Variants in SHANK2 observed in about 807,000 individuals in gnomAD.
SHANK2 encodes the protein SH3 and multiple ankyrin repeat domains 2.
SHANK2 carries 43 observed loss-of-function variants against 133.7 expected under a neutral mutation model. The ratio of observed to expected loss-of-function variants is 0.32; its 90% CI spans 0.25 to 0.41. SHANK2 has a LOEUF of 0.41. SHANK2 is among the 10% of genes least tolerant of loss of function. The pLI is 1.00. For synonymous variants in SHANK2, 1,017 were observed against 952.8 expected (o/e 1.07, Z -1.24); for missense variants, 1,994 against 2,235.8 (o/e 0.89, Z 2.18).
chr11:70,620,458 G>T (rs181079949), intron 17 of SHANK2, among the ~76,000 whole-genome samples: 22 of 152,296 alleles, frequency 1.4e-4, no homozygotes, highest in Admixed American at 2.0e-4. Flanking sequence ...GAAACACACA[G>T]AGCTCCAATA....
chr11:71,163,249 CATT>C (rs1953064990), intron 2 of SHANK2, among the ~76,000 whole-genome samples: 1 of 147,464 alleles, frequency 6.8e-6, no homozygotes, highest in African/African-American at 2.7e-5. Flanking sequence ...GGTATAGAGT[CATT>C]ATTGTGTTTG....
chr11:70,539,287 C>A (rs868971461), intron 17 of SHANK2, among the ~76,000 whole-genome samples: 1 of 152,214 alleles, frequency 6.6e-6, no homozygotes, highest in Admixed American at 6.5e-5. Context: ...GGTGCCCAAA[C>A]GCAGCTGGCA....
intron 11 of SHANK2, among the ~76,000 whole-genome samples, chr11:70,892,573 A>G (rs1182808339): frequency 6.6e-6 from 1 of 152,168 alleles, no homozygotes; most frequent in Admixed American, 6.5e-5. Context: ...ACAGGTTCTC[A>G]AGGTAAGTAC....
intron 11 of SHANK2, chr11:70,862,922 C>T (rs1351760399): frequency 3.4e-5 from 9 of 262,008 alleles, no homozygotes; most frequent in East Asian, 1.9e-4. Context: ...CTGAAGTGCC[C>T]GTCTTGGGGC....
intron 14 of SHANK2, among the ~76,000 whole-genome samples, chr11:70,793,170 A>G (rs1384700389): frequency 1.3e-5 from 2 of 152,258 alleles, no homozygotes; most frequent in Non-Finnish European, 2.9e-5. Flanking sequence ...TGACCCTTGA[A>G]CAACATGGGT....
intron 14 of SHANK2, among the ~76,000 whole-genome samples, chr11:70,751,914 C>T (rs1946756362): frequency 6.6e-6 from 1 of 150,418 alleles, no homozygotes; most frequent in Non-Finnish European, 1.5e-5. Flanking sequence ...GGAAAAGTAA[C>T]AAGTCAAATA....
intron 2 of SHANK2, among the ~76,000 whole-genome samples, chr11:71,187,241 G>T (rs1302286601): frequency 6.6e-6 from 1 of 152,208 alleles, no homozygotes; most frequent in African/African-American, 2.4e-5. Flanking sequence ...AGGAAAATTT[G>T]CCAGGATGAT....
chr11:70,838,346 T>C (rs1948854806), intron 11 of SHANK2, among the ~76,000 whole-genome samples: 2 of 152,270 alleles, frequency 1.3e-5, no homozygotes. Context: ...TGGTTGCACA[T>C]TGCATTTTCC....
intron 2 of SHANK2, among the ~76,000 whole-genome samples, chr11:71,183,243 G>A (rs978547576): frequency 2.0e-5 from 3 of 152,190 alleles, no homozygotes; most frequent in African/African-American, 7.2e-5. Context: ...GTGATGGAGG[G>A]ACAAGGGGCA....
At chr11:70,546,180 C>A (rs1554976387) in intron 17 of SHANK2, among the ~76,000 whole-genome samples, 1 of 146,630 alleles carries the variant, frequency 6.8e-6, no homozygotes, top group Admixed American at 7.1e-5. Context: ...CTCAAGGAAT[C>A]CGCCCGCCTC....
chr11:70,919,274 G>A (rs1453665090), intron 10 of SHANK2, among the ~76,000 whole-genome samples: 1 of 152,114 alleles, frequency 6.6e-6, no homozygotes, highest in Non-Finnish European at 1.5e-5. Flanking sequence ...TTTTTGTGGT[G>A]AGAACACTCA....
Position 70,828,581 on chromosome 11 carries a change from G to A in SHANK2, c.1175-7899C>T, listed in dbSNP as rs560855446. Among the ~76,000 whole-genome samples, 7 of 152,358 alleles carry A rather than the reference G, an allele frequency of 4.6e-5. No individual in the cohort carries two copies. The East Asian group carries it at 5.8e-4, about 13-fold the overall frequency. On this transcript the variant is annotated intron_variant, in intron 11 of 25. Coordinates refer to ENST00000601538, the MANE Select transcript of SHANK2 (RefSeq NM_012309.5). ...GATGCACAAAGCTTTCCCCCACTTC[G>A]GGAGGCCTGACGATGTGTCCTCCGG... is the stretch of plus-strand genomic sequence containing the variant.
At position 71,114,568 on chromosome 11, in the gene SHANK2, G is replaced by T. The variant is rs539415092; in HGVS notation, c.412-1204C>A. Among the ~76,000 whole-genome samples the T allele has an allele frequency of 5.3e-5, 8 of 152,266 alleles. No homozygotes were observed. In the East Asian group the frequency reaches 1.5e-3, roughly 29 times the overall value. Reference sequence around the variant, plus strand: ...GGCCAAATAAACCAGCTGTGAAATCGGAAAGTTCTGTGAAGCGCAGGCTGC... The same window carrying T: ...GGCCAAATAAACCAGCTGTGAAATCTGAAAGTTCTGTGAAGCGCAGGCTGC... On this transcript the variant is annotated intron_variant, in intron 4 of 25. Coordinates refer to ENST00000601538, the MANE Select transcript of SHANK2 (RefSeq NM_012309.5).
chr11:71,090,670 T>C (rs1030468561), intron 8 of SHANK2, among the ~76,000 whole-genome samples: 12 of 151,778 alleles, frequency 7.9e-5, no homozygotes, highest in East Asian at 3.9e-4. Flanking sequence ...TCTGTGTACA[T>C]AGATACATTT....
At chr11:70,490,721 G>A (rs1188867128) in intron 22 of SHANK2, among the ~76,000 whole-genome samples, 1 of 152,270 alleles carries the variant, frequency 6.6e-6, no homozygotes, top group Non-Finnish European at 1.5e-5. Context: ...GGGCCAGGCT[G>A]GATGTCCTGT....
intron 17 of SHANK2, among the ~76,000 whole-genome samples, chr11:70,617,139 G>A (rs991622038): frequency 6.6e-6 from 1 of 151,776 alleles, no homozygotes; most frequent in African/African-American, 2.4e-5. Context: ...GCTAATGTAT[G>A]TGTGTCACTG....
At position 70,823,231 on chromosome 11, in the gene SHANK2, T is replaced by G. The variant is rs113262820; in HGVS notation, c.1175-2549A>C. 1.4e-3 allele frequency among the ~76,000 whole-genome samples: 46 copies of G among 32,160 alleles called. 1 individual carries two copies. The highest frequency in any genetic ancestry group is 4.5e-3 in the African/African-American group (28 of 6,216). The allele number at this position is 32,160 out of a possible 152,430, so 21.1% of individuals were successfully genotyped here. A position where few individuals can be genotyped will look rare whatever the true frequency, so the allele number is the denominator to read the frequency against. On this transcript the variant is annotated intron_variant, in intron 11 of 25. Transcript: ENST00000601538. ...GGGGACAGAGGTGGCGCTGGCAGAGTTCACGGGGGACAGAGGTGGCGCTGG... is the reference window on the plus strand; with the variant it reads ...GGGGACAGAGGTGGCGCTGGCAGAGGTCACGGGGGACAGAGGTGGCGCTGG...
intron 11 of SHANK2, among the ~76,000 whole-genome samples, chr11:70,857,864 C>T (rs569444487): frequency 2.0e-5 from 3 of 152,320 alleles, no homozygotes; most frequent in African/African-American, 4.8e-5. Context: ...CCATGTTCCA[C>T]GGCTCACACA....
intron 13 of SHANK2, among the ~76,000 whole-genome samples, chr11:70,801,316 TC>T (rs1439366575): frequency 6.6e-6 from 1 of 151,836 alleles, no homozygotes; most frequent in Non-Finnish European, 1.5e-5. Context: ...CTGCAAGGGG[TC>T]CCCCCAACAC....
Sources: gnomAD v4.1 joint callset for allele counts (sites outside exome capture counted in the v4.1 genomes callset) on GRCh38, gnomAD v4.1.1 for gene constraint, MANE v1.5 for transcripts, NCBI Gene and HGNC (gene_info 2026-07-23, HGNC 2026-07-21) for gene names.